Variants in RBFOX1 observed in about 807,000 individuals in gnomAD.
RBFOX1 encodes RNA binding fox-1 homolog 1.
A neutral mutation model predicts 57.7 loss-of-function variants in RBFOX1; 8 were observed. The observed-to-expected ratio is 0.14, with a 90% confidence interval of 0.08 to 0.25. The LOEUF is 0.25. RBFOX1 is among the 10% of genes least tolerant of loss of function. The pLI, the probability that RBFOX1 is intolerant of heterozygous loss-of-function variation, is 1.00. For synonymous variants in RBFOX1, 326 were observed against 222.4 expected, an observed-to-expected ratio of 1.47 and a Z score of -4.15; for missense variants, 611 against 548.5, an observed-to-expected ratio of 1.11 and a Z score of -1.14.
intron 2 of RBFOX1, among the ~76,000 whole-genome samples, chr16:6,645,014 C>G (rs752639966): frequency 3.9e-5 from 6 of 152,118 alleles, no homozygotes; most frequent in Non-Finnish European, 8.8e-5. Context: ...GCTCTACGTC[C>G]AAGTTGAAAG....
At chr16:5,860,291 C>A (rs1386024481) in intron 3 of RBFOX1, among the ~76,000 whole-genome samples, 4 of 152,120 alleles carry the variant, frequency 2.6e-5, no homozygotes, top group African/African-American at 9.7e-5. Flanking sequence ...CCATGTTGGT[C>A]AGGCTGGTCA....
chr16:6,194,476 C>G (rs545930405), intron 1 of RBFOX1, among the ~76,000 whole-genome samples: 2 of 152,176 alleles, frequency 1.3e-5, no homozygotes, highest in Non-Finnish European at 2.9e-5. Context: ...TTGTTTCTCT[C>G]TTTCAAGAAC....
At chr16:6,922,272 A>T (rs1051312103) in intron 3 of RBFOX1, among the ~76,000 whole-genome samples, 6 of 152,036 alleles carry the variant, frequency 3.9e-5, no homozygotes, top group Non-Finnish European at 7.4e-5. Context: ...CATTGATATA[A>T]ACTGTAACTT....
intron 4 of RBFOX1, among the ~76,000 whole-genome samples, chr16:7,335,044 T>C (rs532407775): frequency 2.6e-5 from 4 of 152,298 alleles, no homozygotes; most frequent in East Asian, 1.9e-4. Flanking sequence ...GCTTTACTTA[T>C]GGTTTGCTGA....
intron 3 of RBFOX1, among the ~76,000 whole-genome samples, chr16:5,677,742 G>T (rs2050210436): frequency 6.6e-6 from 1 of 152,222 alleles, no homozygotes; most frequent in Non-Finnish European, 1.5e-5. Flanking sequence ...GTGAGTAGCA[G>T]TTAGCTAGGG....
chr16:5,459,920 G>C (rs558759721), intron 1 of RBFOX1, among the ~76,000 whole-genome samples: 2 of 151,990 alleles, frequency 1.3e-5, no homozygotes, highest in Non-Finnish European at 1.5e-5. Flanking sequence ...CTGCCTCTCC[G>C]TGTCGCCACT....
intron 3 of RBFOX1, among the ~76,000 whole-genome samples, chr16:6,956,375 G>C (rs957267742): frequency 5.3e-5 from 8 of 152,212 alleles, no homozygotes; most frequent in African/African-American, 1.4e-4. Context: ...TCAGTGTCAA[G>C]ACTGGACTCA....
chr16:6,229,765 C>G (rs2097444641), intron 1 of RBFOX1, among the ~76,000 whole-genome samples: 1 of 150,766 alleles, frequency 6.6e-6, no homozygotes, highest in Admixed American at 6.6e-5. Flanking sequence ...TGGAAAACAT[C>G]CTTTCCACTG....
intron 1 of RBFOX1, among the ~76,000 whole-genome samples, chr16:5,404,245 A>G (rs956811525): frequency 5.9e-5 from 9 of 152,294 alleles, no homozygotes; most frequent in Middle Eastern, 3.4e-3. Context: ...CTTGACCACT[A>G]TGCAATCTGT....
chr16:5,856,220 T>TACACAC (rs1415445723), intron 3 of RBFOX1, among the ~76,000 whole-genome samples: 1 of 31,306 alleles, frequency 3.2e-5, no homozygotes, highest in African/African-American at 9.3e-5. Context: ...TATATATGTA[T>TACACAC]ATATATATGT....
At chr16:5,708,288 A>G (rs1175237714) in intron 3 of RBFOX1, among the ~76,000 whole-genome samples, 1 of 152,162 alleles carries the variant, frequency 6.6e-6, no homozygotes, top group African/African-American at 2.4e-5. Context: ...CAGATGAAGT[A>G]TGAGGCACTG....
At chr16:7,046,997 A>G (rs545969193) in intron 3 of RBFOX1, among the ~76,000 whole-genome samples, 1 of 151,290 alleles carries the variant, frequency 6.6e-6, no homozygotes, top group Non-Finnish European at 1.5e-5. Context: ...TTAAGCCATT[A>G]AACATATTTT....
chr16:6,799,209 G>C (rs988963924), intron 3 of RBFOX1, among the ~76,000 whole-genome samples: 1 of 152,086 alleles, frequency 6.6e-6, no homozygotes, highest in African/African-American at 2.4e-5. Context: ...CAGTTTACTA[G>C]GGGAAACCGT....
chr16:5,893,922 C>G (rs148350234), intron 4 of RBFOX1, among the ~76,000 whole-genome samples: 1 of 152,020 alleles, frequency 6.6e-6, no homozygotes, highest in Non-Finnish European at 1.5e-5. Context: ...AAAAAGATCA[C>G]CCACAGCCAT....
At chr16:6,587,010 TTGTGTG>T (rs140293624) in intron 2 of RBFOX1, among the ~76,000 whole-genome samples, 1 of 150,778 alleles carries the variant, frequency 6.6e-6, no homozygotes, top group South Asian at 2.1e-4. Flanking sequence ...CCCCTGTTTA[TTGTGTG>T]TGTGTGTGTG....
intron 4 of RBFOX1, among the ~76,000 whole-genome samples, chr16:7,511,934 A>C (rs2075205336): frequency 6.6e-6 from 1 of 152,194 alleles, no homozygotes; most frequent in Non-Finnish European, 1.5e-5. Context: ...CAACTCAAGA[A>C]AGTCCAGGCA....
chr16:5,737,843 T>A (rs1313181981), intron 3 of RBFOX1, among the ~76,000 whole-genome samples: 1 of 152,154 alleles, frequency 6.6e-6, no homozygotes, highest in African/African-American at 2.4e-5. Flanking sequence ...TCTTTTTTTA[T>A]TCTTTTATTT....
chr16:7,676,604 C>T (rs1400210678), intron 13 of RBFOX1, among the ~76,000 whole-genome samples, 170 bp from the exon 14 acceptor site: 1 of 152,106 alleles, frequency 6.6e-6, no homozygotes, highest in African/African-American at 2.4e-5. Flanking sequence ...TATTCCACCC[C>T]TTGTTTCTCC....
At chr16:6,235,509 C>T (rs1882108166) in intron 1 of RBFOX1, among the ~76,000 whole-genome samples, 1 of 151,298 alleles carries the variant, frequency 6.6e-6, no homozygotes, top group African/African-American at 2.4e-5. Context: ...GCCCAAATGC[C>T]CATCAGCTGA....
Sources: allele counts gnomAD v4.1 joint callset (sites outside exome capture counted in the v4.1 genomes callset), GRCh38; gene constraint gnomAD v4.1.1; transcripts MANE v1.5; gene names NCBI Gene and HGNC (gene_info 2026-07-23, HGNC 2026-07-21).